Variants in RAD51B observed in about 807,000 individuals in gnomAD.
The protein encoded by RAD51B is RAD51 paralog B.
RAD51B carries 38 observed loss-of-function variants against 42.2 expected under a neutral mutation model. The observed-to-expected ratio is 0.90, with a 90% confidence interval of 0.70 to 1.18. RAD51B has a LOEUF of 1.18. RAD51B is among the 50% of genes most tolerant of loss of function. The pLI is 0.00. For missense variants in RAD51B, 373 were observed against 400.7 expected, an observed-to-expected ratio of 0.93 and a Z score of 0.59; for synonymous variants, 154 against 145.2, an observed-to-expected ratio of 1.06 and a Z score of -0.43.
chr14:67,825,206 C>T (rs770252440), intron 2 of RAD51B, among the ~76,000 whole-genome samples: 8 of 150,306 alleles, frequency 5.3e-5, no homozygotes, highest in Non-Finnish European at 7.4e-5. Context: ...GGATTGGATG[C>T]TGGTGCTATG....
chr14:68,019,769 A>T (rs1193340026), intron 7 of RAD51B, among the ~76,000 whole-genome samples: 2 of 152,190 alleles, frequency 1.3e-5, no homozygotes, highest in African/African-American at 4.8e-5. Flanking sequence ...AGAGACATCT[A>T]TCTTATTTCT....
chr14:68,414,019 A>G (rs528726609), intron 9 of RAD51B, among the ~76,000 whole-genome samples: 14 of 149,604 alleles, frequency 9.4e-5, no homozygotes, highest in African/African-American at 2.7e-4. Flanking sequence ...TCCCGTTTCT[A>G]TGACATTGAG....
rs1282656758 is a variant in RAD51B at position 68,470,660 on chromosome 14, G to A, written c.1036+2410G>A. 1.9e-5 allele frequency: 9 copies of A among 476,814 alleles called. No individual in the cohort carries two copies. In the East Asian group the frequency reaches 2.1e-4, roughly 11 times the overall value. The allele number at this position is 476,814 out of a possible 1,614,324, so 29.5% of individuals were successfully genotyped here. A position where few individuals can be genotyped will look rare whatever the true frequency, so the allele number is the denominator to read the frequency against. ...GAGAGAAGACAGAAGAAAGAGTGAA[G>A]AAAAAATATCAGATTATATCACACA... On this transcript the variant is annotated intron_variant, in intron 10 of 10. Transcript: ENST00000471583.
chr14:68,434,182 C>T (rs1303514491), intron 9 of RAD51B, among the ~76,000 whole-genome samples: 2 of 152,200 alleles, frequency 1.3e-5, no homozygotes, highest in South Asian at 2.1e-4. Context: ...TTAAGCTACT[C>T]GGGGGTCAGG....
chr14:68,474,017 T>C (rs891653722), intron 10 of RAD51B, among the ~76,000 whole-genome samples: 1 of 152,232 alleles, frequency 6.6e-6, no homozygotes, highest in African/African-American at 2.4e-5. Context: ...ACAGGTCACA[T>C]GATACACAGG....
chr14:67,861,576 T>TAAA (rs34392333), intron 4 of RAD51B, among the ~76,000 whole-genome samples: 6 of 138,694 alleles, frequency 4.3e-5, no homozygotes, highest in Non-Finnish European at 6.2e-5. Context: ...AACCTGTCTT[T>TAAA]AAAAAAAAAA....
At chr14:68,535,694 A>T (rs1333371564) in intron 10 of RAD51B, among the ~76,000 whole-genome samples, 1 of 152,224 alleles carries the variant, frequency 6.6e-6, no homozygotes, top group African/African-American at 2.4e-5. Context: ...GGAAAAGTAA[A>T]GGAACATTCC....
At chr14:67,889,612 A>G (rs1243306861) in intron 7 of RAD51B, among the ~76,000 whole-genome samples, 1 of 119,704 alleles carries the variant, frequency 8.4e-6, no homozygotes. Context: ...AACTAGTACT[A>G]GAAAACCTCG....
At chr14:67,909,446 G>A (rs1014748366) in intron 7 of RAD51B, among the ~76,000 whole-genome samples, 1 of 152,152 alleles carries the variant, frequency 6.6e-6, no homozygotes, top group African/African-American at 2.4e-5. Context: ...ACTTATTGCA[G>A]ACTTTAAAAA....
At chr14:67,984,591 T>G (rs2075150995) in intron 7 of RAD51B, among the ~76,000 whole-genome samples, 1 of 152,210 alleles carries the variant, frequency 6.6e-6, no homozygotes, top group Non-Finnish European at 1.5e-5. Flanking sequence ...CAATCTTTGT[T>G]CAGTCTGGAC....
At chr14:68,280,608 G>C (rs1037790265) in intron 7 of RAD51B, among the ~76,000 whole-genome samples, 25 of 152,316 alleles carry the variant, frequency 1.6e-4, no homozygotes, top group African/African-American at 6.0e-4. Context: ...CTTAGTGAAC[G>C]TGAGTTTCCT....
chr14:68,109,330 C>G (rs8007347), intron 7 of RAD51B, among the ~76,000 whole-genome samples: 1 of 151,818 alleles, frequency 6.6e-6, no homozygotes, highest in Non-Finnish European at 1.5e-5. Flanking sequence ...GTGAGACCAG[C>G]TTATGGTATG....
intron 5 of RAD51B, among the ~76,000 whole-genome samples, chr14:67,884,708 A>G (rs1242939689): frequency 1.3e-5 from 2 of 150,524 alleles, no homozygotes; most frequent in African/African-American, 4.9e-5. Flanking sequence ...TTTTATTCTC[A>G]CTCTTCACAC....
chr14:68,006,339 T>C (rs1210704428), intron 7 of RAD51B, among the ~76,000 whole-genome samples: 1 of 152,206 alleles, frequency 6.6e-6, no homozygotes, highest in Admixed American at 6.5e-5. Context: ...TTTTAAATAG[T>C]TATCCAAACT....
intron 7 of RAD51B, among the ~76,000 whole-genome samples, chr14:67,935,804 C>G (rs1254168491): frequency 1.3e-5 from 2 of 152,064 alleles, no homozygotes. Context: ...CTAGGGCCTG[C>G]CGAGGACTTC....
rs1261113301 is a variant in RAD51B, at chr14:68,326,024, ATTCTTTTTCTT to A, written c.853+34053_853+34063del. 8.9e-3 allele frequency among the ~76,000 whole-genome samples: 734 copies of A among 82,928 alleles called. 26 individuals are homozygous for A. The highest frequency in any genetic ancestry group is 0.027 in the African/African-American group (693 of 25,538). 54.4% of individuals were successfully genotyped at this position (82,928 alleles called of 152,430 possible). A position where few individuals can be genotyped will look rare whatever the true frequency, so the allele number is the denominator to read the frequency against. On this transcript the variant is annotated intron_variant, in intron 8 of 10. Coordinates refer to ENST00000471583, the MANE Select transcript of RAD51B (RefSeq NM_133510.4). ...TAAATACTAATTGAATAATGTTGTT[ATTCTTTTTCTT>A]TTCTTTTTTTTTTTTTTTTTTTGAG... is the stretch of plus-strand genomic sequence containing the variant.
intron 10 of RAD51B, among the ~76,000 whole-genome samples, chr14:68,580,628 C>T (rs1890170202): frequency 6.6e-6 from 1 of 152,194 alleles, no homozygotes; most frequent in South Asian, 2.1e-4. Context: ...TTAGCTGTAG[C>T]CCTTCTTGAA....
At chr14:68,140,125 G>C (rs1206860273) in intron 7 of RAD51B, among the ~76,000 whole-genome samples, 1 of 152,272 alleles carries the variant, frequency 6.6e-6, no homozygotes, top group East Asian at 1.9e-4. Context: ...ATATGACAGA[G>C]AGAGGTCATG....
chr14:68,441,521 G>A (rs915075154), intron 9 of RAD51B, among the ~76,000 whole-genome samples: 4 of 105,564 alleles, frequency 3.8e-5, no homozygotes, highest in South Asian at 6.4e-4. Flanking sequence ...CAGCCTGGGC[G>A]ACAGAGCAAG....
Sources: gnomAD v4.1 joint callset for allele counts (sites outside exome capture counted in the v4.1 genomes callset) on GRCh38, gnomAD v4.1.1 for gene constraint, MANE v1.5 for transcripts, NCBI Gene and HGNC (gene_info 2026-07-23, HGNC 2026-07-21) for gene names.